Variants in RIMS2 observed in about 807,000 individuals in gnomAD.
The protein encoded by RIMS2 is regulating synaptic membrane exocytosis 2, also known as regulating synaptic membrane exocytosis protein 2.
Under a neutral mutation model 174.4 loss-of-function variants are expected in RIMS2, and 59 were observed. The observed-to-expected ratio is 0.34, with a 90% CI of 0.27 to 0.42. The LOEUF (loss-of-function observed/expected upper bound fraction) is 0.42. Among genes scored for constraint, RIMS2 ranks in the 10% least tolerant of loss-of-function variants. The pLI, the probability that RIMS2 is intolerant of heterozygous loss-of-function variation, is 1.00. For synonymous variants in RIMS2, 606 were observed against 572.5 expected (o/e 1.06, Z -0.84); for missense variants, 1,620 against 1,666.3 (o/e 0.97, Z 0.48).
intron 2 of RIMS2, among the ~76,000 whole-genome samples, chr8:103,746,660 GTA>G (rs2097820873): frequency 6.6e-6 from 1 of 151,806 alleles, no homozygotes; most frequent in Non-Finnish European, 1.5e-5. Flanking sequence ...ATGTGTTCAT[GTA>G]TTCTCATCAT....
At chr8:103,683,695 ATGCACAGTATGGCAC>A (rs1295198756) in intron 1 of RIMS2, among the ~76,000 whole-genome samples, 1 of 152,206 alleles carries the variant, frequency 6.6e-6, no homozygotes, top group African/African-American at 2.4e-5. Flanking sequence ...TGCAGTGGAA[ATGCACAGTATGGCAC>A]AAAGGTACAA....
At chr8:104,061,344 T>C (rs933506292) in intron 19 of RIMS2, among the ~76,000 whole-genome samples, 1 of 152,148 alleles carries the variant, frequency 6.6e-6, no homozygotes, top group African/African-American at 2.4e-5. Flanking sequence ...TTTGTCTCTT[T>C]TGATCTTTGT....
chr8:104,084,243 C>T (rs1170423188), intron 19 of RIMS2, among the ~76,000 whole-genome samples: 1 of 151,906 alleles, frequency 6.6e-6, no homozygotes, highest in African/African-American at 2.4e-5. Context: ...GAGTTGAAGA[C>T]CACCCTGGCC....
intron 1 of RIMS2, among the ~76,000 whole-genome samples, chr8:103,524,285 A>G (rs4642611): frequency 0.18 from 27,705 of 152,146 alleles, 2,779 homozygotes; most frequent in African/African-American, 0.26. Flanking sequence ...AAGAGGAAGA[A>G]TGGACAAGAA....
At chr8:104,144,140 G>C (rs1388122766) in intron 19 of RIMS2, among the ~76,000 whole-genome samples, 1 of 151,968 alleles carries the variant, frequency 6.6e-6, no homozygotes, top group African/African-American at 2.4e-5. Context: ...GACAATACTA[G>C]ATTTGCCTTT....
At chr8:104,018,756 A>G (rs1158723515) in intron 19 of RIMS2, among the ~76,000 whole-genome samples, 1 of 152,200 alleles carries the variant, frequency 6.6e-6, no homozygotes, top group African/African-American at 2.4e-5. Context: ...TATAAATTCC[A>G]TTAAAACATT....
chr8:103,562,451 C>T (rs936599741), intron 1 of RIMS2, among the ~76,000 whole-genome samples: 1 of 152,200 alleles, frequency 6.6e-6, no homozygotes, highest in African/African-American at 2.4e-5. Flanking sequence ...AAAACAGTCT[C>T]CTCTCCTTTG....
chr8:103,885,978 T>C, exon 4 of RIMS2: 1 of 1,612,980 alleles, frequency 6.2e-7, no homozygotes, highest in Non-Finnish European at 8.5e-7. Flanking sequence ...CAGCACCACT[T>C]AGATCCTAGC....
Position 103,685,395 on chromosome 8 carries a change from G to C in RIMS2, c.177-11691G>C, listed in dbSNP as rs541602749. Among the ~76,000 whole-genome samples, 3 of 152,160 alleles carry C rather than the reference G, an allele frequency of 2.0e-5. No individual in the cohort carries two copies. The East Asian group carries it at 5.8e-4, about 29-fold the overall frequency. ...GTTCTCCTGTGAACTAGCAGAGCAA[G>C]AACTCACTCTATTAGCATGAGGAGA... On this transcript the variant is annotated intron_variant, in intron 1 of 23. Transcript: ENST00000504942.
chr8:103,550,687 C>A (rs1488144812), intron 1 of RIMS2, among the ~76,000 whole-genome samples: 1 of 151,368 alleles, frequency 6.6e-6, no homozygotes, highest in African/African-American at 2.4e-5. Context: ...TTGAAAAGAT[C>A]AACAAAATTG....
At chr8:103,965,729 G>A (rs1475476203) in intron 15 of RIMS2, among the ~76,000 whole-genome samples, 1 of 151,976 alleles carries the variant, frequency 6.6e-6, no homozygotes, top group Non-Finnish European at 1.5e-5. Flanking sequence ...GATCTCAGTG[G>A]GAAAGTTTTG....
chr8:103,877,027 C>G (rs2099144687), intron 3 of RIMS2, among the ~76,000 whole-genome samples: 1 of 150,664 alleles, frequency 6.6e-6, no homozygotes, highest in South Asian at 2.1e-4. Context: ...CATGCACGTG[C>G]AAGTACCTTT....
chr8:104,170,675 A>C (rs1342721202), intron 19 of RIMS2, among the ~76,000 whole-genome samples: 2 of 152,064 alleles, frequency 1.3e-5, no homozygotes, highest in Admixed American at 1.3e-4. Context: ...ATACTGAGAT[A>C]TGATGTACTA....
intron 1 of RIMS2, among the ~76,000 whole-genome samples, chr8:103,528,291 G>A (rs1408520629): frequency 6.6e-6 from 1 of 151,482 alleles, no homozygotes; most frequent in East Asian, 2.0e-4. Flanking sequence ...CTGGATATTA[G>A]CTGTTTGTCA....
chr8:103,573,895 T>G (rs2093017083), intron 1 of RIMS2, among the ~76,000 whole-genome samples: 1 of 152,180 alleles, frequency 6.6e-6, no homozygotes, highest in African/African-American at 2.4e-5. Flanking sequence ...ATCAGTGTTT[T>G]TTAGTTCTCC....
intron 3 of RIMS2, 46 bp from the exon 7 acceptor site, chr8:103,885,252 G>A (rs560220838): frequency 6.0e-6 from 9 of 1,499,282 alleles, no homozygotes; most frequent in Middle Eastern, 3.6e-4. Context: ...ATGTAAAATT[G>A]ATAAACTTTT....
chr8:104,015,606 T>C lies in RIMS2; in HGVS notation c.3334+991T>C, dbSNP rs2095879347. 1.2e-5 allele frequency: 5 copies of C among 415,804 alleles called. No individual in the cohort carries two copies. The South Asian group carries it at 4.4e-4, about 37-fold the overall frequency. The allele number at this position is 415,804 out of a possible 1,614,324, so 25.8% of individuals were successfully genotyped here. On this transcript the variant is annotated intron_variant, in intron 19 of 23. Coordinates refer to ENST00000504942, the Ensembl canonical transcript of RIMS2. ...TGTTTTATGATATCTGACAAAGTATTCAACTTTTTTTTAACTTGGAAATTA... is the reference window on the plus strand; with the variant it reads ...TGTTTTATGATATCTGACAAAGTATCCAACTTTTTTTTAACTTGGAAATTA...
At chr8:103,994,143 A>T (rs960839535) in intron 17 of RIMS2, among the ~76,000 whole-genome samples, 1 of 151,422 alleles carries the variant, frequency 6.6e-6, no homozygotes, top group Admixed American at 6.6e-5. Context: ...GGAATACTTT[A>T]TCTCCCATTT....
intron 3 of RIMS2, among the ~76,000 whole-genome samples, chr8:103,816,338 G>A (rs2098718436): frequency 6.6e-6 from 1 of 152,158 alleles, no homozygotes; most frequent in Non-Finnish European, 1.5e-5. Flanking sequence ...GTAAGTGATT[G>A]AAAAAGAATT....
Sources: allele counts gnomAD v4.1 joint callset (sites outside exome capture counted in the v4.1 genomes callset), GRCh38; gene constraint gnomAD v4.1.1; transcripts MANE v1.5; gene names NCBI Gene and HGNC (gene_info 2026-07-23, HGNC 2026-07-21).